PACRG: variants seen among roughly 807,000 people sequenced by gnomAD.
PACRG encodes parkin coregulated.
In PACRG, 29 loss-of-function variants were observed where a neutral mutation model predicts 29.7. The observed-to-expected ratio is 0.98, with a 90% CI of 0.73 to 1.33. The LOEUF (loss-of-function observed/expected upper bound fraction) is 1.33, where lower values mean the gene tolerates loss of function less well. Among genes scored for constraint, PACRG ranks in the 40% most tolerant of loss-of-function variants. The pLI, the probability that PACRG is intolerant of heterozygous loss-of-function variation, is 0.00. For synonymous variants in PACRG, 116 were observed against 118.7 expected, an observed-to-expected ratio of 0.98 and a Z score of 0.15; for missense variants, 279 against 316.2, an observed-to-expected ratio of 0.88 and a Z score of 0.89.
intron 1 of PACRG, among the ~76,000 whole-genome samples, chr6:162,767,388 A>G (rs528235956): frequency 2.4e-3 from 360 of 152,034 alleles, no homozygotes; most frequent in Non-Finnish European, 4.0e-3. Flanking sequence ...ATCATTATGC[A>G]TTGACCCTTT....
At chr6:163,195,739 C>T (rs925377008) in intron 4 of PACRG, among the ~76,000 whole-genome samples, 5 of 152,188 alleles carry the variant, frequency 3.3e-5, no homozygotes, top group Non-Finnish European at 7.4e-5. Context: ...AATGGAGATT[C>T]TGCGCCTAAA....
chr6:163,287,316 C>T (rs1364829996), intron 4 of PACRG, among the ~76,000 whole-genome samples: 3 of 152,164 alleles, frequency 2.0e-5, no homozygotes, highest in African/African-American at 7.2e-5. Flanking sequence ...GTTTTGGAAA[C>T]CTGGTCCCCA....
Position 163,179,285 on chromosome 6 carries a change from G to A in PACRG, c.613+89877G>A, listed in dbSNP as rs115876299. The A allele has an allele frequency of 1.2e-3, 537 of 455,066 alleles. 4 individuals are homozygous for A. Among genetic ancestry groups the A allele is most frequent in the African/African-American group, 9.7e-3 (486 of 50,004 alleles). The allele number at this position is 455,066 out of a possible 1,614,324, so 28.2% of individuals were successfully genotyped here. A position where few individuals can be genotyped will look rare whatever the true frequency, so the allele number is the denominator to read the frequency against. On this transcript the variant is annotated intron_variant, in intron 4 of 4. Coordinates refer to ENST00000366888, the MANE Select transcript of PACRG (RefSeq NM_001080379.2). ...AGGAGGCGGCAGCTGGGGGAACTCA[G>A]CCTTCCTTCCCACCACACCTGCACC...
intron 2 of PACRG, among the ~76,000 whole-genome samples, chr6:162,982,245 C>T (rs1802499599): frequency 6.6e-6 from 1 of 151,782 alleles, no homozygotes; most frequent in African/African-American, 2.4e-5. Context: ...TACAAAGAAC[C>T]AGCTTTTTGT....
At chr6:162,806,201 C>T (rs559448314) in intron 1 of PACRG, among the ~76,000 whole-genome samples, 30 of 151,724 alleles carry the variant, frequency 2.0e-4, no homozygotes, top group African/African-American at 5.1e-4. Context: ...CTCTGCCTCC[C>T]GGGTTCAAGC....
chr6:163,257,205 G>T (rs561980110), intron 4 of PACRG, among the ~76,000 whole-genome samples: 1 of 152,052 alleles, frequency 6.6e-6, no homozygotes, highest in South Asian at 2.1e-4. Context: ...GCAGTGGGGC[G>T]CATCTTTTGG....
intron 3 of PACRG, among the ~76,000 whole-genome samples, chr6:163,088,654 C>A (rs951799497): frequency 6.6e-6 from 1 of 152,092 alleles, no homozygotes; most frequent in African/African-American, 2.4e-5. Flanking sequence ...TTCCTGTGGT[C>A]TCTTATAGCT....
At chr6:162,937,013 T>C (rs1798282691) in intron 2 of PACRG, among the ~76,000 whole-genome samples, 1 of 151,966 alleles carries the variant, frequency 6.6e-6, no homozygotes, top group Admixed American at 6.6e-5. Flanking sequence ...GATAAATGAG[T>C]TGAATTTGAA....
chr6:163,196,147 C>G (rs1780444058), intron 4 of PACRG, among the ~76,000 whole-genome samples: 1 of 152,210 alleles, frequency 6.6e-6, no homozygotes, highest in African/African-American at 2.4e-5. Context: ...AGCGTTTCCG[C>G]GAGAACGTTC....
intron 2 of PACRG, among the ~76,000 whole-genome samples, chr6:162,982,041 A>G (rs923228636): frequency 6.6e-6 from 1 of 151,394 alleles, no homozygotes; most frequent in Non-Finnish European, 1.5e-5. Flanking sequence ...TATTTCCAGG[A>G]ATTTATCTAT....
chr6:163,223,525 G>T (rs551278514), intron 4 of PACRG, among the ~76,000 whole-genome samples: 3 of 152,330 alleles, frequency 2.0e-5, no homozygotes, highest in Non-Finnish European at 4.4e-5. Context: ...GAAAGCAGAA[G>T]AAGGATGGAA....
intron 4 of PACRG, among the ~76,000 whole-genome samples, chr6:163,309,115 C>T (rs554144697): frequency 6.6e-6 from 1 of 152,300 alleles, no homozygotes; most frequent in African/African-American, 2.4e-5. Flanking sequence ...TTTCTGCAGT[C>T]GGCTTGATTC....
chr6:163,067,133 T>G (rs532898), intron 3 of PACRG, among the ~76,000 whole-genome samples: 75,821 of 151,916 alleles, frequency 0.5, 21,810 homozygotes, highest in East Asian at 0.96. Flanking sequence ...TGAACAGCCT[T>G]CCTGCTGTAG....
At chr6:163,274,019 T>C (rs947428648) in intron 4 of PACRG, among the ~76,000 whole-genome samples, 1 of 152,182 alleles carries the variant, frequency 6.6e-6, no homozygotes, top group South Asian at 2.1e-4. Flanking sequence ...TGTTGTTTTC[T>C]TTTTCTTTTT....
chr6:163,193,609 C>T (rs749584702), intron 4 of PACRG, among the ~76,000 whole-genome samples: 28 of 151,998 alleles, frequency 1.8e-4, no homozygotes, highest in Non-Finnish European at 2.6e-4. Flanking sequence ...TAAATGAAGA[C>T]GTGAACACAT....
At chr6:162,829,407 CTG>C (rs1266700887) in intron 2 of PACRG, among the ~76,000 whole-genome samples, 1 of 152,204 alleles carries the variant, frequency 6.6e-6, no homozygotes, top group African/African-American at 2.4e-5. Flanking sequence ...AGAGATGAAA[CTG>C]AGTATTAAAG....
chr6:162,727,460 G>A (rs1283012573), upstream of PACRG, among the ~76,000 whole-genome samples: 4 of 152,112 alleles, frequency 2.6e-5, no homozygotes, highest in Admixed American at 6.5e-5. Flanking sequence ...GGCAGGCGAG[G>A]GCTTCGAACG....
chr6:163,212,750 AAG>A (rs1781201542), intron 4 of PACRG, among the ~76,000 whole-genome samples: 1 of 38,360 alleles, frequency 2.6e-5, no homozygotes, highest in Non-Finnish European at 4.9e-5. Context: ...TTATAAAGGG[AAG>A]AAGAGTAACT....
intron 2 of PACRG, among the ~76,000 whole-genome samples, chr6:162,933,761 TG>T (rs200880648): frequency 6.6e-6 from 1 of 151,962 alleles, no homozygotes; most frequent in African/African-American, 2.4e-5. Context: ...TGGGTAATTT[TG>T]GGGAAAAAAA....
Sources: allele counts gnomAD v4.1 joint callset (sites outside exome capture counted in the v4.1 genomes callset), GRCh38; gene constraint gnomAD v4.1.1; transcripts MANE v1.5; gene names NCBI Gene and HGNC (gene_info 2026-07-23, HGNC 2026-07-21).